Variants in OTOGL observed in about 807,000 individuals in gnomAD.
OTOGL encodes the protein otogelin-like protein.
Under a neutral mutation model 318.5 loss-of-function variants are expected in OTOGL, and 285 were observed. The ratio of observed to expected loss-of-function variants is 0.89; its 90% confidence interval spans 0.81 to 0.99. The LOEUF (loss-of-function observed/expected upper bound fraction) is 0.99. Ranked by LOEUF, OTOGL falls within the 50% of genes least tolerant of loss-of-function variation. The pLI is 0.00. For synonymous variants in OTOGL, 987 were observed against 936.5 expected, an observed-to-expected ratio of 1.05 and a Z score of -0.99; for missense variants, 2,899 against 2,845.6, an observed-to-expected ratio of 1.02 and a Z score of -0.43.
intron 1 of OTOGL, among the ~76,000 whole-genome samples, chr12:80,108,930 G>A (rs889205852): frequency 4.3e-5 from 4 of 91,988 alleles, no homozygotes; most frequent in African/African-American, 1.1e-4. Flanking sequence ...ATATATATAT[G>A]TGTGTGTATA....
chr12:80,172,970 T>C (rs1455738855), intron 1 of OTOGL, among the ~76,000 whole-genome samples: 1 of 152,116 alleles, frequency 6.6e-6, no homozygotes, highest in African/African-American at 2.4e-5. Flanking sequence ...TCAGGAAGAA[T>C]AGCTAACAGA....
intron 33 of OTOGL, among the ~76,000 whole-genome samples, chr12:80,320,196 A>AT (rs927272477): frequency 6.6e-4 from 97 of 146,774 alleles, no homozygotes; most frequent in South Asian, 2.6e-3. Context: ...CCAAAGACTG[A>AT]TTTTTTTTTT....
chr12:80,111,739 T>C (rs1004501662), intron 1 of OTOGL, among the ~76,000 whole-genome samples: 5 of 152,214 alleles, frequency 3.3e-5, no homozygotes, highest in African/African-American at 1.2e-4. Context: ...AGGCTGTTTT[T>C]TGGTTCCATA....
At chr12:80,115,943 C>G (rs1056693374) in intron 1 of OTOGL, among the ~76,000 whole-genome samples, 4 of 152,176 alleles carry the variant, frequency 2.6e-5, no homozygotes, top group African/African-American at 7.2e-5. Context: ...GACTGCTGTG[C>G]TGGCAGCGAG....
At chr12:80,204,610 G>A (rs549516649) in intron 1 of OTOGL, among the ~76,000 whole-genome samples, 56 of 152,132 alleles carry the variant, frequency 3.7e-4, no homozygotes, top group Non-Finnish European at 7.5e-4. Context: ...TTTGATGCTT[G>A]GTGGTTTGGT....
At chr12:80,126,347 G>A (rs186065154) in intron 1 of OTOGL, among the ~76,000 whole-genome samples, 7 of 152,210 alleles carry the variant, frequency 4.6e-5, no homozygotes, top group Non-Finnish European at 1.0e-4. Flanking sequence ...TAGTTGAGCG[G>A]TTTTGAGTGA....
Position 80,229,286 on chromosome 12 carries a change from G to A in OTOGL, c.519G>A (p.Ser173=), listed in dbSNP as rs181528168. The A allele has an allele frequency of 1.7e-3, 2,745 of 1,597,354 alleles. 5 individuals are homozygous for A. The highest frequency in any genetic ancestry group is 3.6e-3 in the South Asian group (324 of 91,006). Residue 173 remains serine, a synonymous_variant, in exon 8 of 59, where the codon TCG becomes TCA. Coordinates refer to ENST00000547103, the MANE Select transcript of OTOGL (RefSeq NM_001378609.3). Reference sequence around the variant, plus strand: ...ATAACAGCCCTAAATGCCTTGGTTCGGTGTATTCTTGTTATCGGTCAATCA... The same window carrying A: ...ATAACAGCCCTAAATGCCTTGGTTCAGTGTATTCTTGTTATCGGTCAATCA... The part of the protein sequence containing the change: ...WVHNSPKCLG[S]VYSCYRSISL...
At chr12:80,243,911 CCTT>C in intron 11 of OTOGL, among the ~76,000 whole-genome samples, 1 of 149,338 alleles carries the variant, frequency 6.7e-6, no homozygotes, top group East Asian at 2.0e-4. Flanking sequence ...ATTTGATCCT[CCTT>C]CTCTGAGATG....
In OTOGL at chr12:80,336,501, A is replaced by C; in HGVS notation, c.4689A>C (p.Val1563=). 1 of 1,609,706 alleles carries C rather than the reference A, an allele frequency of 6.2e-7. No homozygotes were observed. Among genetic ancestry groups the C allele is most frequent in the Non-Finnish European group, 8.5e-7 (1 of 1,176,650 alleles). Residue 1563 remains valine, a synonymous_variant, in exon 40 of 59, where the codon GTA becomes GTC. Transcript: ENST00000547103. ...ATAGCATGGCTTCTTATATCTTAGT[A>C]AGAATTCCTGGTGAAATTATAGTTG... ...ALYSMASYIL[V]RIPGEIIVAH...
rs2137404619 is a variant in OTOGL, at chr12:80,232,961, A to C, written c.681A>C (p.Thr227=). Residue 227 remains threonine, a synonymous_variant, in exon 9 of 59, where the codon ACA becomes ACC. Transcript: ENST00000547103. ...TAGCTGACTACATTCTTGTGAAAAC[A>C]ACCTTTGGCTTTTCATTGGCTTGGG... The part of the protein sequence containing the change: ...EKLADYILVK[T]TFGFSLAWDG... The C allele has an allele frequency of 1.9e-6, 3 of 1,599,248 alleles. No homozygotes were observed. In the East Asian group the frequency reaches 6.7e-5, roughly 36 times the overall value.
intron 1 of OTOGL, among the ~76,000 whole-genome samples, chr12:80,134,156 C>A (rs750208784): frequency 2.0e-5 from 3 of 152,154 alleles, no homozygotes; most frequent in Non-Finnish European, 2.9e-5. Context: ...AGTCTTTCAA[C>A]CTTTAGATTA....
At chr12:80,153,615 T>A (rs922529635) in intron 1 of OTOGL, among the ~76,000 whole-genome samples, 1 of 152,212 alleles carries the variant, frequency 6.6e-6, no homozygotes, top group South Asian at 2.1e-4. Flanking sequence ...ACTCTATGGG[T>A]TTGTACAAAT....
intron 44 of OTOGL, among the ~76,000 whole-genome samples, chr12:80,344,839 A>G (rs1889058194): frequency 6.6e-6 from 1 of 150,936 alleles, no homozygotes; most frequent in Non-Finnish European, 1.5e-5. Context: ...TTGCTTTTAT[A>G]TTTTCTTAGG....
chr12:80,334,422 A>G (rs1888267897), intron 38 of OTOGL, among the ~76,000 whole-genome samples: 1 of 152,150 alleles, frequency 6.6e-6, no homozygotes, highest in Non-Finnish European at 1.5e-5. Flanking sequence ...AAAGCTGTGG[A>G]CATATAGATT....
chr12:80,102,272 G>A (rs774879278), intron 1 of OTOGL, among the ~76,000 whole-genome samples: 8 of 152,204 alleles, frequency 5.3e-5, no homozygotes, highest in Middle Eastern at 3.4e-3. Context: ...CTTACTTACC[G>A]TTGATATATC....
At chr12:80,109,376 G>A (rs1351771096) in intron 1 of OTOGL, among the ~76,000 whole-genome samples, 2 of 152,092 alleles carry the variant, frequency 1.3e-5, no homozygotes, top group Non-Finnish European at 2.9e-5. Flanking sequence ...GGGGAGAAAT[G>A]TGGTTTCCCA....
At chr12:80,358,046 A>G (rs1890015845) in intron 49 of OTOGL, among the ~76,000 whole-genome samples, 1 of 152,226 alleles carries the variant, frequency 6.6e-6, no homozygotes, top group Admixed American at 6.5e-5. Flanking sequence ...GGTGTTCTAT[A>G]TGTCACTGTG....
chr12:80,307,264 C>T (rs918256218), intron 29 of OTOGL, among the ~76,000 whole-genome samples: 6 of 151,484 alleles, frequency 4.0e-5, no homozygotes, highest in African/African-American at 1.5e-4. Context: ...ACCTTTCCCC[C>T]CTTTCTATTC....
chr12:80,179,373 G>C (rs1364836596), intron 1 of OTOGL, among the ~76,000 whole-genome samples: 1 of 152,162 alleles, frequency 6.6e-6, no homozygotes, highest in Non-Finnish European at 1.5e-5. Flanking sequence ...ATGTAAATCA[G>C]TCATTATGGC....
Sources: allele counts gnomAD v4.1 joint callset (sites outside exome capture counted in the v4.1 genomes callset), GRCh38; gene constraint gnomAD v4.1.1; transcripts MANE v1.5; gene names NCBI Gene and HGNC (gene_info 2026-07-23, HGNC 2026-07-21).